The following SCAI variants were observed in gnomAD, a reference collection of about 807,000 sequenced individuals.
The protein encoded by SCAI is protein SCAI.
A neutral mutation model predicts 92.2 loss-of-function variants in SCAI; 24 were observed. The observed-to-expected ratio is 0.26, with a 90% CI of 0.19 to 0.37. SCAI has a LOEUF of 0.37. Among genes scored for constraint, SCAI ranks in the 10% least tolerant of loss-of-function variants. The pLI, the probability that SCAI is intolerant of heterozygous loss-of-function variation, is 1.00. For synonymous variants in SCAI, 261 were observed against 258.6 expected (o/e 1.01, Z -0.09); for missense variants, 450 against 736.2 (o/e 0.61, Z 4.50).
chr9:125,128,151 A>G (rs1835315566), intron 2 of SCAI, among the ~76,000 whole-genome samples: 1 of 152,158 alleles, frequency 6.6e-6, no homozygotes, highest in African/African-American at 2.4e-5. Context: ...CCATCAATAC[A>G]AACAATTTTT....
intron 2 of SCAI, among the ~76,000 whole-genome samples, chr9:125,100,216 G>A (rs1194919665): frequency 6.6e-6 from 1 of 152,184 alleles, no homozygotes; most frequent in Non-Finnish European, 1.5e-5. Context: ...GCTTAGAATT[G>A]CAACTTGCAA....
At chr9:125,051,972 G>A (rs1025121111) in intron 3 of SCAI, among the ~76,000 whole-genome samples, 4 of 152,098 alleles carry the variant, frequency 2.6e-5, no homozygotes, top group East Asian at 1.9e-4. Flanking sequence ...GCTTGAACCC[G>A]GGAGGCAGAG....
chr9:125,043,992 C>A (rs1404954842), intron 3 of SCAI, among the ~76,000 whole-genome samples: 1 of 152,146 alleles, frequency 6.6e-6, no homozygotes, highest in African/African-American at 2.4e-5. Flanking sequence ...TCTTAAGAAG[C>A]TCCCTGCCCC....
At chr9:125,122,827 T>C (rs1302605415) in intron 2 of SCAI, among the ~76,000 whole-genome samples, 2 of 152,046 alleles carry the variant, frequency 1.3e-5, no homozygotes, top group Non-Finnish European at 2.9e-5. Context: ...GATTACTCCA[T>C]CCCAGTAAGT....
At chr9:125,054,480 T>A (rs1833624568) in intron 3 of SCAI, among the ~76,000 whole-genome samples, 1 of 151,252 alleles carries the variant, frequency 6.6e-6, no homozygotes, top group African/African-American at 2.4e-5. Flanking sequence ...CAATACAGAA[T>A]ATGGTACATA....
At chr9:124,995,480 TACTATC>T (rs905959277) in intron 13 of SCAI, among the ~76,000 whole-genome samples, 1 of 152,138 alleles carries the variant, frequency 6.6e-6, no homozygotes, top group Non-Finnish European at 1.5e-5. Flanking sequence ...AAAATCTTTT[TACTATC>T]ACTATTTTTT....
At chr9:125,082,139 G>A (rs925516290) in intron 2 of SCAI, among the ~76,000 whole-genome samples, 3 of 152,198 alleles carry the variant, frequency 2.0e-5, no homozygotes, top group Non-Finnish European at 4.4e-5. Flanking sequence ...GGGTCGCCAT[G>A]CCATGTGTGG....
intron 14 of SCAI, among the ~76,000 whole-genome samples, chr9:124,980,314 T>A (rs1029182788): frequency 2.6e-5 from 4 of 151,948 alleles, no homozygotes; most frequent in African/African-American, 9.7e-5. Flanking sequence ...TCCTGACTTT[T>A]TTTTTTTTCC....
Position 124,943,876 on chromosome 9 carries a change from G to A in SCAI, c.*8931C>T, listed in dbSNP as rs1178425014. ...AAATTACAATAATTCTTAGCACAAA[G>A]TAAAAAGTGATTTATAACTGCTTCA... On this transcript the variant is annotated 3_prime_UTR_variant, in exon 18 of 18. Transcript: ENST00000336505. The A allele has an allele frequency of 6.6e-6, 1 of 152,240 alleles. No homozygotes were observed. The highest frequency in any genetic ancestry group is 2.4e-5 in the African/African-American group (1 of 41,564). The allele number at this position is 152,240 out of a possible 1,614,324, so 9.4% of individuals were successfully genotyped here. A position where few individuals can be genotyped will look rare whatever the true frequency, so the allele number is the denominator to read the frequency against.
chr9:125,134,088 A>G (rs1835463101), intron 2 of SCAI, among the ~76,000 whole-genome samples: 1 of 152,162 alleles, frequency 6.6e-6, no homozygotes, highest in Admixed American at 6.6e-5. Context: ...ATCTTGGTTC[A>G]GGTCCTGAAT....
At chr9:124,963,628 T>C (rs1302020630) in intron 17 of SCAI, among the ~76,000 whole-genome samples, 1 of 151,542 alleles carries the variant, frequency 6.6e-6, no homozygotes. Context: ...AACATGCCTG[T>C]AATCCCAGCT....
chr9:125,004,393 A>G (rs893902133), intron 9 of SCAI, among the ~76,000 whole-genome samples: 4 of 150,634 alleles, frequency 2.7e-5, no homozygotes, highest in Non-Finnish European at 3.0e-5. Context: ...CAGTGGCACA[A>G]TCTCAGCTCA....
At chr9:125,092,802 G>A (rs10986558) in intron 2 of SCAI, among the ~76,000 whole-genome samples, 35,366 of 152,118 alleles carry the variant, frequency 0.23, 4,661 homozygotes, top group Non-Finnish European at 0.3. Flanking sequence ...CCTTCATGCT[G>A]TTTCTCTACT....
intron 2 of SCAI, among the ~76,000 whole-genome samples, chr9:125,131,306 G>A (rs1201704776): frequency 6.6e-6 from 1 of 151,512 alleles, no homozygotes; most frequent in Non-Finnish European, 1.5e-5. Flanking sequence ...TACTTGGGAG[G>A]CTGAGGAGGG....
intron 2 of SCAI, among the ~76,000 whole-genome samples, chr9:125,074,835 T>C (rs1378931197): frequency 6.6e-6 from 1 of 151,816 alleles, no homozygotes; most frequent in Non-Finnish European, 1.5e-5. Flanking sequence ...CGAAACCCCG[T>C]TCCTACTAAA....
chr9:124,964,559 G>A (rs1477963650), intron 17 of SCAI, among the ~76,000 whole-genome samples: 2 of 152,080 alleles, frequency 1.3e-5, no homozygotes, highest in Non-Finnish European at 2.9e-5. Context: ...CTCTTCCATA[G>A]TTTTGATAAT....
At chr9:125,007,062 T>C (rs1420037851) in intron 9 of SCAI, among the ~76,000 whole-genome samples, 2 of 152,096 alleles carry the variant, frequency 1.3e-5, no homozygotes, top group African/African-American at 4.8e-5. Flanking sequence ...GAAGATGCAG[T>C]GAGCCGAGAT....
rs766382699 is a variant in SCAI, at chr9:125,032,193, A to ATTT, written c.231-2455_231-2454insAAA. Among the ~76,000 whole-genome samples the ATTT allele has an allele frequency of 4.9e-4, 53 of 108,928 alleles. 2 individuals carry two copies. Among genetic ancestry groups the ATTT allele is most frequent in the African/African-American group, 8.5e-4 (21 of 24,578 alleles). The allele number at this position is 108,928 out of a possible 152,430, so 71.5% of individuals were successfully genotyped here. ...TGAATATATATATATATATATATAT[A>ATTT]TATTTTTTTTTTTTTTTGAGATGGA... On this transcript the variant is annotated intron_variant, in intron 3 of 17. Coordinates refer to ENST00000336505, the MANE Select transcript of SCAI (RefSeq NM_001144877.3).
At chr9:125,077,872 C>A (rs1046977347) in intron 2 of SCAI, among the ~76,000 whole-genome samples, 3 of 152,210 alleles carry the variant, frequency 2.0e-5, no homozygotes, top group East Asian at 3.9e-4. Flanking sequence ...GCACCTGCCA[C>A]CACGCCTGGC....
Sources: allele counts gnomAD v4.1 joint callset (sites outside exome capture counted in the v4.1 genomes callset), GRCh38; gene constraint gnomAD v4.1.1; transcripts MANE v1.5; gene names NCBI Gene and HGNC (gene_info 2026-07-23, HGNC 2026-07-21).